BRINP1: variants seen among roughly 807,000 people sequenced by gnomAD.
The protein encoded by BRINP1 is BMP/retinoic acid inducible neural specific 1, also known as BMP/retinoic acid-inducible neural-specific protein 1.
In BRINP1, 17 loss-of-function variants were observed where a neutral mutation model predicts 72.9. The observed-to-expected ratio is 0.23, with a 90% CI of 0.16 to 0.35. BRINP1 has a LOEUF of 0.35. Among genes scored for constraint, BRINP1 ranks in the 10% least tolerant of loss-of-function variants. The probability of loss-of-function intolerance (pLI) is 1.00; values close to 1 mark genes in which losing one functional copy is unlikely to be tolerated. For missense variants in BRINP1, 850 were observed against 1,001.6 expected (o/e 0.85, Z 2.04); for synonymous variants, 418 against 378.5 (o/e 1.10, Z -1.21).
chr9:119,167,933 A>T lies in BRINP1; in HGVS notation c.1437T>A (p.Thr479=), dbSNP rs774982976. The change falls in exon 8 of 8, where the codon ACT becomes ACA. Residue 479 remains threonine, a synonymous_variant. Transcript: ENST00000265922. This position sits in a 1 kb window ranked among gnomAD's most constrained non-coding sequence, Gnocchi z 4.3. The part of the protein sequence containing the change: ...ERSEQFISFE[T]DLDFQDLELK... Reference sequence around the variant, plus strand: ...GCTCCAGGTCCTGGAAGTCCAGGTCAGTCTCAAAGCTGATGAACTGCTCGC... The same window carrying T: ...GCTCCAGGTCCTGGAAGTCCAGGTCTGTCTCAAAGCTGATGAACTGCTCGC... 7.2e-5 allele frequency: 116 copies of T among 1,614,114 alleles called. No homozygotes were observed. The highest frequency in any genetic ancestry group is 9.7e-5 in the Non-Finnish European group (114 of 1,180,058).
intron 5 of BRINP1, among the ~76,000 whole-genome samples, chr9:119,228,358 C>T (rs528447695): frequency 6.6e-6 from 1 of 151,906 alleles, no homozygotes; most frequent in South Asian, 2.1e-4. Context: ...CATGGCACTA[C>T]ATTAAATATT....
chr9:119,290,320 T>C (rs1830809022), intron 2 of BRINP1, among the ~76,000 whole-genome samples: 1 of 152,156 alleles, frequency 6.6e-6, no homozygotes, highest in Non-Finnish European at 1.5e-5. Context: ...CAGACAGACA[T>C]AGAGTCTGAA....
At chr9:119,293,412 G>A (rs572783350) in intron 2 of BRINP1, among the ~76,000 whole-genome samples, 7 of 152,072 alleles carry the variant, frequency 4.6e-5, no homozygotes, top group African/African-American at 1.4e-4. Context: ...TTGCATATTA[G>A]CAAGACTCTT....
intron 3 of BRINP1, among the ~76,000 whole-genome samples, chr9:119,247,989 G>T (rs1588176846): frequency 6.6e-6 from 1 of 152,160 alleles, no homozygotes. Flanking sequence ...TGCATGCTGA[G>T]CCTAGAAAGC....
At chr9:119,229,727 A>T (rs182405673) in intron 5 of BRINP1, among the ~76,000 whole-genome samples, 1 of 152,288 alleles carries the variant, frequency 6.6e-6, no homozygotes, top group Admixed American at 6.5e-5. Context: ...AGAATGGCAT[A>T]CAGTAGGCCC....
intron 5 of BRINP1, among the ~76,000 whole-genome samples, chr9:119,229,230 C>A (rs1830124200): frequency 6.6e-6 from 1 of 152,072 alleles, no homozygotes; most frequent in Admixed American, 6.6e-5. Context: ...TGGCCAAGCA[C>A]ATATGCCATG....
chr9:119,356,370 A>G (rs1405118190), intron 1 of BRINP1, among the ~76,000 whole-genome samples: 1 of 152,124 alleles, frequency 6.6e-6, no homozygotes, highest in Non-Finnish European at 1.5e-5. Context: ...CCAATACACT[A>G]TATGTTTACT....
intron 7 of BRINP1, among the ~76,000 whole-genome samples, chr9:119,177,202 C>T (rs1467494835): frequency 6.6e-6 from 1 of 152,160 alleles, no homozygotes; most frequent in Admixed American, 6.5e-5. Context: ...CCTCTCCCCT[C>T]AGGACTGCAG....
chr9:119,340,501 C>T (rs1831395608), intron 1 of BRINP1, among the ~76,000 whole-genome samples: 1 of 152,124 alleles, frequency 6.6e-6, no homozygotes, highest in Non-Finnish European at 1.5e-5. Flanking sequence ...CATCCAAGAA[C>T]CTCCTCTTCC....
intron 5 of BRINP1, among the ~76,000 whole-genome samples, chr9:119,226,608 GCT>G (rs1564222374): frequency 6.6e-6 from 1 of 151,918 alleles, no homozygotes; most frequent in Non-Finnish European, 1.5e-5. Flanking sequence ...GTCAGAAGCA[GCT>G]CTTTTTACAG....
chr9:119,218,065 TA>T (rs1184975637), intron 5 of BRINP1, among the ~76,000 whole-genome samples: 1 of 152,080 alleles, frequency 6.6e-6, no homozygotes, highest in Non-Finnish European at 1.5e-5. Context: ...GTTTTATTTC[TA>T]ATAGTTTTTC....
chr9:119,305,372 T>C (rs1017613441), intron 2 of BRINP1, among the ~76,000 whole-genome samples: 1 of 152,198 alleles, frequency 6.6e-6, no homozygotes, highest in African/African-American at 2.4e-5. Context: ...ATTCTGCCAA[T>C]TCACTAGACT....
intron 7 of BRINP1, among the ~76,000 whole-genome samples, chr9:119,198,318 C>G (rs1181954946): frequency 6.6e-6 from 1 of 152,186 alleles, no homozygotes; most frequent in Non-Finnish European, 1.5e-5. Context: ...TGCCATTTTG[C>G]TATGTGTTAA....
chr9:119,250,289 T>C (rs1427727833), intron 2 of BRINP1, among the ~76,000 whole-genome samples: 1 of 152,200 alleles, frequency 6.6e-6, no homozygotes, highest in Non-Finnish European at 1.5e-5. Context: ...CATGTATTCA[T>C]TGAGCACCTA....
At position 119,252,372 on chromosome 9, in the gene BRINP1, AG is replaced by A. The variant is rs535796512; in HGVS notation, c.219-3223del. 1.4e-4 allele frequency among the ~76,000 whole-genome samples: 22 copies of A among 152,286 alleles called. No individual in the cohort carries two copies. In the East Asian group the frequency reaches 4.3e-3, roughly 29 times the overall value. On this transcript the variant is annotated intron_variant, in intron 2 of 7. Coordinates refer to ENST00000265922, the MANE Select transcript of BRINP1 (RefSeq NM_014618.3). ...TATTGTTTTAAGTCACTGAATTGTG[AG>A]GTAATTGATCAATACACAGCAATGA...
chr9:119,334,416 G>A (rs1273776678), intron 1 of BRINP1, among the ~76,000 whole-genome samples: 1 of 152,146 alleles, frequency 6.6e-6, no homozygotes, highest in African/African-American at 2.4e-5. Context: ...GTGTGCCTAA[G>A]ATTACCCAAG....
chr9:119,207,619 C>T (rs1481750504), intron 7 of BRINP1, among the ~76,000 whole-genome samples: 4 of 152,170 alleles, frequency 2.6e-5, no homozygotes, highest in Admixed American at 6.5e-5. Context: ...CTGGGGAAAA[C>T]GTCACCCCCA....
intron 7 of BRINP1, among the ~76,000 whole-genome samples, chr9:119,201,255 T>G (rs1315793876): frequency 6.6e-6 from 1 of 152,216 alleles, no homozygotes; most frequent in African/African-American, 2.4e-5. Flanking sequence ...TATAGGCTAC[T>G]CATTAAAATT....
chr9:119,201,051 GC>G (rs1179402683), intron 7 of BRINP1, among the ~76,000 whole-genome samples: 2 of 152,166 alleles, frequency 1.3e-5, no homozygotes, highest in Non-Finnish European at 2.9e-5. Context: ...AGATCTGTCA[GC>G]CACCTGAGGA....
Sources: gnomAD v4.1 joint callset for allele counts (sites outside exome capture counted in the v4.1 genomes callset) on GRCh38, gnomAD v4.1.1 for gene constraint, Gnocchi (gnomAD v3.1) non-coding constraint, MANE v1.5 for transcripts, NCBI Gene and HGNC (gene_info 2026-07-23, HGNC 2026-07-21) for gene names.